PBRM1: variants seen among roughly 807,000 people sequenced by gnomAD.
The protein encoded by PBRM1 is polybromo 1.
PBRM1 carries 27 observed loss-of-function variants against 194.5 expected under a neutral mutation model. The ratio of observed to expected loss-of-function variants is 0.14; its 90% CI spans 0.10 to 0.19. The LOEUF (loss-of-function observed/expected upper bound fraction) is 0.19, where lower values mean the gene tolerates loss of function less well. Ranked by LOEUF, PBRM1 falls within the 10% of genes least tolerant of loss-of-function variation. PBRM1 has a pLI of 1.00. For synonymous variants in PBRM1, 655 were observed against 693.2 expected (o/e 0.94, Z 0.87); for missense variants, 1,466 against 2,077.2 (o/e 0.71, Z 5.72).
chr3:52,568,676 T>C (rs190531083), intron 22 of PBRM1, among the ~76,000 whole-genome samples: 12 of 152,310 alleles, frequency 7.9e-5, no homozygotes, highest in South Asian at 6.2e-4. Flanking sequence ...CAAATGGTTA[T>C]TGAATTTCCA....
At chr3:52,650,384 CT>C (rs2096457636) in intron 6 of PBRM1, among the ~76,000 whole-genome samples, 3 of 115,790 alleles carry the variant, frequency 2.6e-5, no homozygotes, top group Admixed American at 1.0e-4. Context: ...AAAAAAAACC[CT>C]AAAAAAAAAA....
intron 2 of PBRM1, among the ~76,000 whole-genome samples, chr3:52,669,242 A>G (rs2096901431): frequency 6.6e-6 from 1 of 152,210 alleles, no homozygotes; most frequent in South Asian, 2.1e-4. Context: ...TCTTCGGAAA[A>G]AAAAAACCAT....
chr3:52,643,954 AGAGT>A (rs1453983355), intron 8 of PBRM1, among the ~76,000 whole-genome samples: 1 of 152,096 alleles, frequency 6.6e-6, no homozygotes, highest in African/African-American at 2.4e-5. Context: ...TTTGGGCAAC[AGAGT>A]GAGACTCTGT....
chr3:52,665,711 A>C (rs757439569), intron 3 of PBRM1, among the ~76,000 whole-genome samples: 5 of 152,184 alleles, frequency 3.3e-5, no homozygotes, highest in African/African-American at 4.8e-5. Context: ...TGATGACATG[A>C]GAAGGAAGAG....
chr3:52,599,583 G>A (rs966561203), intron 17 of PBRM1, among the ~76,000 whole-genome samples: 19 of 151,560 alleles, frequency 1.3e-4, no homozygotes, highest in Non-Finnish European at 2.2e-4. Context: ...CAGCCGAGGC[G>A]GGCGGATCAT....
At chr3:52,651,508 T>C (rs1385854234) in intron 6 of PBRM1, among the ~76,000 whole-genome samples, 2 of 152,232 alleles carry the variant, frequency 1.3e-5, no homozygotes, top group Non-Finnish European at 2.9e-5. Flanking sequence ...AATAAATCTT[T>C]TGTCACAAAT....
intron 15 of PBRM1, among the ~76,000 whole-genome samples, chr3:52,615,025 T>C (rs1017855775): frequency 6.6e-6 from 1 of 152,018 alleles, no homozygotes; most frequent in African/African-American, 2.4e-5. Context: ...CAGACATACA[T>C]ACCAAGGAAA....
chr3:52,604,910 C>T (rs184517868), intron 16 of PBRM1, among the ~76,000 whole-genome samples: 22 of 151,562 alleles, frequency 1.5e-4, no homozygotes, highest in Admixed American at 1.3e-4. Flanking sequence ...GCCAAGATCG[C>T]GCCGCTGCAC....
At chr3:52,636,944 G>T (rs2095847112) in intron 10 of PBRM1, among the ~76,000 whole-genome samples, 2 of 151,698 alleles carry the variant, frequency 1.3e-5, no homozygotes, top group African/African-American at 4.8e-5. Flanking sequence ...CACAAGATGG[G>T]TATTATTTCT....
intron 13 of PBRM1, among the ~76,000 whole-genome samples, chr3:52,623,937 C>A (rs896399217): frequency 6.6e-6 from 1 of 152,014 alleles, no homozygotes; most frequent in Non-Finnish European, 1.5e-5. Context: ...CTTAAATTTA[C>A]CATTTAATTA....
At chr3:52,574,836 T>C (rs1034603735) in intron 22 of PBRM1, among the ~76,000 whole-genome samples, 16 of 152,216 alleles carry the variant, frequency 1.1e-4, no homozygotes, top group Non-Finnish European at 2.2e-4. Flanking sequence ...AAAACCTCTG[T>C]CAAATCACTG....
chr3:52,608,461 G>GT (rs918507281), intron 16 of PBRM1, among the ~76,000 whole-genome samples: 55 of 152,064 alleles, frequency 3.6e-4, no homozygotes, highest in African/African-American at 9.9e-4. Context: ...ATGTTACTAT[G>GT]TTTTTTTTCT....
intron 2 of PBRM1, among the ~76,000 whole-genome samples, chr3:52,670,828 T>C (rs2096931235): frequency 6.6e-6 from 1 of 152,212 alleles, no homozygotes; most frequent in Non-Finnish European, 1.5e-5. Context: ...GTGAGTAGCC[T>C]GCATTCCAGC....
intron 9 of PBRM1, among the ~76,000 whole-genome samples, chr3:52,642,889 C>T (rs866855953): frequency 6.6e-6 from 1 of 151,408 alleles, no homozygotes; most frequent in African/African-American, 2.4e-5. Flanking sequence ...CGAGTTCAAG[C>T]GATTCTCCTG....
intron 22 of PBRM1, among the ~76,000 whole-genome samples, chr3:52,571,301 C>T (rs1297990302): frequency 3.0e-5 from 4 of 134,410 alleles, no homozygotes; most frequent in African/African-American, 5.7e-5. Context: ...GCAGCCTGGA[C>T]GACAGAACGA....
At chr3:52,674,912 G>A (rs1019186411) in intron 2 of PBRM1, among the ~76,000 whole-genome samples, 5 of 151,078 alleles carry the variant, frequency 3.3e-5, no homozygotes, top group Non-Finnish European at 7.4e-5. Context: ...AGTCTGCACT[G>A]AACTGTGATT....
intron 20 of PBRM1, among the ~76,000 whole-genome samples, chr3:52,583,986 A>C (rs1273380685): frequency 6.6e-6 from 1 of 152,104 alleles, no homozygotes; most frequent in Non-Finnish European, 1.5e-5. Context: ...AATGTAATAC[A>C]TCTGGCAGGG....
chr3:52,576,844 T>G (rs552445644), intron 21 of PBRM1, 146 bp from the exon 24 acceptor site: 9 of 501,802 alleles, frequency 1.8e-5, no homozygotes, highest in Non-Finnish European at 3.1e-5. Flanking sequence ...ACTTCATTAA[T>G]TTTTTCCCCC....
chr3:52,583,632 G>A (rs2091835428), intron 20 of PBRM1, among the ~76,000 whole-genome samples: 1 of 151,912 alleles, frequency 6.6e-6, no homozygotes, highest in African/African-American at 2.4e-5. Context: ...AGACCCTAAA[G>A]AGCTCTTTGT....
Sources: allele counts gnomAD v4.1 joint callset (sites outside exome capture counted in the v4.1 genomes callset), GRCh38; gene constraint gnomAD v4.1.1; transcripts MANE v1.5; gene names NCBI Gene and HGNC (gene_info 2026-07-23, HGNC 2026-07-21).